Variants in SAXO1 observed in about 807,000 individuals in gnomAD.
SAXO1 encodes the protein 4930500O09Rik.
In SAXO1, 21 loss-of-function variants were observed where a neutral mutation model predicts 17.5. The ratio of observed to expected loss-of-function variants is 1.20; its 90% CI spans 0.85 to 1.72. SAXO1 has a LOEUF of 1.72. Among genes scored for constraint, SAXO1 ranks in the 40% most tolerant of loss-of-function variants. SAXO1 has a pLI of 0.00. For synonymous variants in SAXO1, 274 were observed against 216.5 expected (o/e 1.27, Z -2.33); for missense variants, 843 against 596.0 (o/e 1.41, Z -4.32).
At chr9:19,037,730 C>G (rs1052009942), upstream of SAXO1, among the ~76,000 whole-genome samples, 2 of 152,164 alleles carry the variant, frequency 1.3e-5, no homozygotes, top group Non-Finnish European at 2.9e-5. Flanking sequence ...ACTTCCCTAA[C>G]CCTGGTATCA....
chr9:19,025,268 G>C (rs1209081472), intron 1 of SAXO1, among the ~76,000 whole-genome samples: 2 of 151,856 alleles, frequency 1.3e-5, no homozygotes, highest in Non-Finnish European at 2.9e-5. Flanking sequence ...GCTGTTCTTT[G>C]TGTTTTTTTT....
intron 1 of SAXO1, among the ~76,000 whole-genome samples, chr9:18,985,543 A>G (rs1443000663): frequency 1.3e-5 from 2 of 152,200 alleles, no homozygotes; most frequent in Non-Finnish European, 2.9e-5. Flanking sequence ...CTTTTTCTAA[A>G]CAGAGCAGCA....
chr9:19,023,650 A>T (rs1563988114), intron 1 of SAXO1, among the ~76,000 whole-genome samples: 1 of 152,234 alleles, frequency 6.6e-6, no homozygotes, highest in Non-Finnish European at 1.5e-5. Context: ...AAGAAAAGTG[A>T]CAAGAATGGA....
chr9:19,019,058 G>A (rs574524847), intron 1 of SAXO1, among the ~76,000 whole-genome samples: 17 of 151,820 alleles, frequency 1.1e-4, no homozygotes, highest in East Asian at 5.8e-4. Flanking sequence ...GCAGTGAGCC[G>A]AGATCATGCC....
intron 1 of SAXO1, among the ~76,000 whole-genome samples, chr9:18,962,908 T>C (rs145748520): frequency 1.2e-4 from 18 of 152,350 alleles, no homozygotes; most frequent in Admixed American, 2.6e-4. Context: ...GCTAGCTTTT[T>C]TTCTAGGGTT....
intron 1 of SAXO1, among the ~76,000 whole-genome samples, chr9:19,012,176 AG>A (rs1300160513): frequency 4.6e-5 from 7 of 152,212 alleles, no homozygotes; most frequent in African/African-American, 7.2e-5. Context: ...AGAGGAAAAA[AG>A]ATGAGGCATA....
intron 3 of SAXO1, among the ~76,000 whole-genome samples, chr9:18,932,905 A>C (rs1315321909): frequency 1.9e-5 from 1 of 51,592 alleles, no homozygotes; most frequent in African/African-American, 7.6e-5. Context: ...CTCATGTATT[A>C]GTTCTGGTAA....
rs929799868 is a variant in SAXO1, at chr9:19,017,811, C to G, written c.38+15060G>C. On this transcript the variant is annotated intron_variant, in intron 1 of 3. Transcript: ENST00000380534. ...GCCTAAGAAGCTAAGAACACCAAAA[C>G]AAAAACCTTAAATCCACATGTGATG... is the stretch of plus-strand genomic sequence containing the variant. Among the ~76,000 whole-genome samples the G allele has an allele frequency of 2.0e-5, 3 of 152,144 alleles. No individual in the cohort carries two copies. In the East Asian group the frequency reaches 5.8e-4, roughly 29 times the overall value.
rs1309986592 is a variant in SAXO1, at chr9:18,930,904, A to T, written c.422-1849T>A. On this transcript the variant is annotated intron_variant, in intron 3 of 3. Coordinates refer to ENST00000380534, the MANE Select transcript of SAXO1 (RefSeq NM_153707.4). ...AAATTAGCCCTAGTGAGCCCTCTGA[A>T]TCTATAGGGAATTCTCTTGCTTACT... is the stretch of plus-strand genomic sequence containing the variant. 7.9e-5 allele frequency among the ~76,000 whole-genome samples: 12 copies of T among 152,322 alleles called. 2 individuals are homozygous for T. The highest frequency in any genetic ancestry group is 4.6e-4 in the Admixed American group (7 of 15,310).
In SAXO1 at chr9:19,032,383, T is replaced by C. The variant is rs1835807512; in HGVS notation, c.38+488A>G. Among the ~76,000 whole-genome samples the C allele has an allele frequency of 2.0e-5, 3 of 152,352 alleles. No individual in the cohort carries two copies. In the South Asian group the frequency reaches 6.2e-4, roughly 32 times the overall value. ...GCAGGCCAGGCGACTGTGAAAGTAA[T>C]GTTTTCATTATCCTTATTCAACTCT... On this transcript the variant is annotated intron_variant, in intron 1 of 3. Coordinates refer to ENST00000380534, the MANE Select transcript of SAXO1 (RefSeq NM_153707.4).
intron 1 of SAXO1, among the ~76,000 whole-genome samples, chr9:18,990,158 G>A (rs1455639098): frequency 1.5e-5 from 2 of 130,892 alleles, no homozygotes; most frequent in Non-Finnish European, 3.5e-5. Context: ...CACCAAGCAG[G>A]AGTCATGGAC....
At chr9:19,010,344 T>C (rs1330299050) in intron 1 of SAXO1, among the ~76,000 whole-genome samples, 3 of 152,120 alleles carry the variant, frequency 2.0e-5, no homozygotes, top group East Asian at 3.9e-4. Context: ...TCCTGCATGC[T>C]TCTGAATCAG....
intron 1 of SAXO1, among the ~76,000 whole-genome samples, chr9:18,953,774 G>A (rs754051697): frequency 2.0e-5 from 3 of 152,092 alleles, no homozygotes; most frequent in East Asian, 1.9e-4. Flanking sequence ...TATTATATAC[G>A]TATTTAATAG....
Position 19,049,231 on chromosome 9 carries a change from T to C in SAXO1, c.-180A>G, listed in dbSNP as rs965874867. The C allele has an allele frequency of 1.1e-4, 18 of 160,440 alleles. No homozygotes were observed. The highest frequency in any genetic ancestry group is 3.1e-4 in the African/African-American group (13 of 41,558). The allele number at this position is 160,440 out of a possible 1,614,324, so 9.9% of individuals were successfully genotyped here. ...TACCCCTAGCAACAGCAAACCCAGC[T>C]GCAACAGAACAAAAGACCGAAGTCC... On this transcript the variant is annotated 5_prime_UTR_variant, in exon 1 of 4. Transcript: ENST00000542071. This position sits in a 1 kb window ranked among gnomAD's most constrained non-coding sequence, Gnocchi z 5.4.
chr9:19,025,528 T>C (rs1409665859), intron 1 of SAXO1, among the ~76,000 whole-genome samples: 1 of 152,236 alleles, frequency 6.6e-6, no homozygotes, highest in Non-Finnish European at 1.5e-5. Context: ...TGGCTGCCCC[T>C]GAGATCACCT....
chr9:18,970,664 G>A (rs1832912938), intron 1 of SAXO1, among the ~76,000 whole-genome samples: 1 of 152,154 alleles, frequency 6.6e-6, no homozygotes, highest in Non-Finnish European at 1.5e-5. Flanking sequence ...CTTGAGTGGG[G>A]CCAAAAGGCC....
intron 2 of SAXO1, among the ~76,000 whole-genome samples, chr9:18,946,279 CAAA>C (rs56858815): frequency 3.7e-3 from 129 of 34,466 alleles, no homozygotes; most frequent in African/African-American, 9.7e-3. Flanking sequence ...TTCATCTCAC[CAAA>C]AAAAAAAAAA....
At chr9:19,036,115 G>A (rs143218249), upstream of SAXO1, among the ~76,000 whole-genome samples, 2 of 151,350 alleles carry the variant, frequency 1.3e-5, no homozygotes, top group East Asian at 3.9e-4. Flanking sequence ...GGGGGTAGGG[G>A]GCTGGGGGAG....
intron 1 of SAXO1, among the ~76,000 whole-genome samples, chr9:19,006,950 C>T (rs977495869): frequency 2.0e-5 from 3 of 152,040 alleles, no homozygotes; most frequent in Non-Finnish European, 4.4e-5. Flanking sequence ...GAGGCTGATG[C>T]AGGACAATCA....
Sources: allele counts gnomAD v4.1 joint callset (sites outside exome capture counted in the v4.1 genomes callset), GRCh38; gene constraint gnomAD v4.1.1; non-coding constraint Gnocchi (gnomAD v3.1); transcripts MANE v1.5; gene names NCBI Gene and HGNC (gene_info 2026-07-23, HGNC 2026-07-21).